The following NELL1 variants were observed in gnomAD, a reference collection of about 807,000 sequenced individuals.
NELL1 encodes protein kinase C-binding protein NELL1.
A neutral mutation model predicts 107.4 loss-of-function variants in NELL1; 76 were observed. The observed-to-expected ratio is 0.71, with a 90% CI of 0.59 to 0.86. The LOEUF (loss-of-function observed/expected upper bound fraction) is 0.86, where lower values mean the gene tolerates loss of function less well. NELL1 is among the 40% of genes least tolerant of loss of function. The pLI is 0.00. For missense variants in NELL1, 1,024 were observed against 1,005.5 expected, an observed-to-expected ratio of 1.02 and a Z score of -0.25; for synonymous variants, 353 against 341.2, an observed-to-expected ratio of 1.03 and a Z score of -0.38.
At chr11:20,839,911 C>G (rs2134047918) in intron 3 of NELL1, among the ~76,000 whole-genome samples, 1 of 152,250 alleles carries the variant, frequency 6.6e-6, no homozygotes, top group East Asian at 1.9e-4. Flanking sequence ...GACCTGGAAC[C>G]CAAAGATATC....
At chr11:21,052,222 G>A (rs1314258470) in intron 12 of NELL1, among the ~76,000 whole-genome samples, 1 of 152,104 alleles carries the variant, frequency 6.6e-6, no homozygotes, top group Non-Finnish European at 1.5e-5. Context: ...ATGTGAAGTA[G>A]AGATTAGGGT....
chr11:21,553,881 G>C (rs2133993424), intron 16 of NELL1, among the ~76,000 whole-genome samples: 1 of 151,924 alleles, frequency 6.6e-6, no homozygotes, highest in South Asian at 2.1e-4. Flanking sequence ...TTTCAGCAAA[G>C]GATGAAATTT....
intron 11 of NELL1, among the ~76,000 whole-genome samples, chr11:20,956,092 G>T (rs929045912): frequency 6.6e-6 from 1 of 152,190 alleles, no homozygotes; most frequent in African/African-American, 2.4e-5. Flanking sequence ...GGTGGTACAC[G>T]CCTGTAGTCC....
chr11:21,252,626 G>A (rs1437017179), intron 14 of NELL1, among the ~76,000 whole-genome samples: 2 of 152,080 alleles, frequency 1.3e-5, no homozygotes, highest in African/African-American at 4.8e-5. Flanking sequence ...AAGTCCCTCT[G>A]TAATGAATTT....
chr11:20,995,125 G>GTT (rs138426333), intron 12 of NELL1, among the ~76,000 whole-genome samples: 163 of 151,478 alleles, frequency 1.1e-3, no homozygotes, highest in South Asian at 2.9e-3. Flanking sequence ...TTAATTTTCT[G>GTT]GTTTTTTTTT....
intron 14 of NELL1, among the ~76,000 whole-genome samples, chr11:21,270,807 A>G (rs1169003107): frequency 6.6e-6 from 1 of 152,152 alleles, no homozygotes; most frequent in Non-Finnish European, 1.5e-5. Flanking sequence ...ATTTAAAAGA[A>G]CAGAAATTAT....
intron 14 of NELL1, among the ~76,000 whole-genome samples, chr11:21,293,857 A>T (rs550517698): frequency 8.1e-4 from 123 of 152,038 alleles, no homozygotes; most frequent in African/African-American, 2.9e-3. Context: ...ACATGATCTC[A>T]CTCATAATTG....
intron 2 of NELL1, among the ~76,000 whole-genome samples, chr11:20,770,101 C>T (rs1250405309): frequency 2.0e-5 from 3 of 152,136 alleles, no homozygotes; most frequent in Admixed American, 2.0e-4. Flanking sequence ...CAATTTTCCC[C>T]CAAATTGACA....
At chr11:21,401,697 A>G (rs1179684439) in intron 15 of NELL1, among the ~76,000 whole-genome samples, 1 of 151,704 alleles carries the variant, frequency 6.6e-6, no homozygotes, top group Non-Finnish European at 1.5e-5. Flanking sequence ...GGCTTAAGCT[A>G]TTCATAGGAT....
chr11:20,942,773 G>C (rs1325946623), intron 10 of NELL1, among the ~76,000 whole-genome samples: 1 of 152,174 alleles, frequency 6.6e-6, no homozygotes. Context: ...GGAAAGCTGG[G>C]ATGATTAAAG....
intron 15 of NELL1, among the ~76,000 whole-genome samples, chr11:21,461,751 G>T (rs911997238): frequency 1.3e-5 from 2 of 152,152 alleles, no homozygotes; most frequent in Non-Finnish European, 2.9e-5. Context: ...AGTGGAAGAT[G>T]CTGTAAAGAC....
At chr11:21,095,961 A>T (rs186680093) in intron 12 of NELL1, among the ~76,000 whole-genome samples, 3 of 152,206 alleles carry the variant, frequency 2.0e-5, no homozygotes, top group Admixed American at 1.3e-4. Flanking sequence ...CGTGTAGGGG[A>T]ACTCCTCTTT....
At chr11:21,011,791 T>G (rs7932659) in intron 12 of NELL1, among the ~76,000 whole-genome samples, 13,487 of 152,206 alleles carry the variant, frequency 0.089, 2,007 homozygotes, top group African/African-American at 0.31. Flanking sequence ...TCCACAGGCC[T>G]GTGAGCTCCC....
intron 2 of NELL1, among the ~76,000 whole-genome samples, chr11:20,742,189 C>T (rs1298671971): frequency 6.6e-6 from 1 of 152,170 alleles, no homozygotes; most frequent in Non-Finnish European, 1.5e-5. Flanking sequence ...AGGCATCAGC[C>T]AGGCTCTTGC....
intron 14 of NELL1, among the ~76,000 whole-genome samples, chr11:21,313,908 T>C (rs1181359351): frequency 6.6e-6 from 1 of 151,472 alleles, no homozygotes; most frequent in Non-Finnish European, 1.5e-5. Flanking sequence ...GTGAACAGTT[T>C]AGCACCATCC....
chr11:21,340,798 A>G (rs1850546873), intron 14 of NELL1, among the ~76,000 whole-genome samples: 1 of 152,128 alleles, frequency 6.6e-6, no homozygotes, highest in African/African-American at 2.4e-5. Flanking sequence ...CCTCCTTTGT[A>G]GCCTTCAGAA....
chr11:21,573,391 C>T lies in NELL1; in HGVS notation c.2364C>T (p.Cys788=). 6.2e-7 allele frequency: 1 copy of T among 1,611,804 alleles called. No individual in the cohort carries two copies. The highest frequency in any genetic ancestry group is 8.5e-7 in the Non-Finnish European group (1 of 1,178,690). The part of the protein sequence containing the change: ...GSVWTMAGSP[C]TTCKCKNGRV... ...TGTGGACGATGGCTGGATCTCCCTG[C>T]ACAACCTGTAAATGCAAGGTAATTG... Residue 788 remains cysteine (C), a synonymous_variant, in exon 19 of 20, where the codon TGC becomes TGT. Coordinates refer to ENST00000357134, the MANE Select transcript of NELL1 (RefSeq NM_006157.5).
chr11:21,174,332 CA>C (rs940725242), intron 13 of NELL1, among the ~76,000 whole-genome samples: 6 of 151,834 alleles, frequency 4.0e-5, no homozygotes, highest in Admixed American at 3.9e-4. Context: ...TGGTAGCTTA[CA>C]AAAAACTATG....
intron 12 of NELL1, among the ~76,000 whole-genome samples, chr11:21,079,440 T>C (rs1286338463): frequency 2.6e-5 from 4 of 152,026 alleles, no homozygotes; most frequent in African/African-American, 7.2e-5. Flanking sequence ...AATATTCCTA[T>C]TTTTCAAGTG....
Sources: gnomAD v4.1 joint callset for allele counts (sites outside exome capture counted in the v4.1 genomes callset) on GRCh38, gnomAD v4.1.1 for gene constraint, MANE v1.5 for transcripts, NCBI Gene and HGNC (gene_info 2026-07-23, HGNC 2026-07-21) for gene names.